Variants in ULK4 observed in about 807,000 individuals in gnomAD.
ULK4 encodes the protein unc-51 like kinase 4, also known as inactive serine/threonine-protein kinase ULK4.
A neutral mutation model predicts 160.6 loss-of-function variants in ULK4; 133 were observed. That is an observed-to-expected ratio of 0.83 (90% CI 0.72 to 0.96). ULK4 has a LOEUF of 0.96. ULK4 is among the 40% of genes least tolerant of loss of function. The pLI, the probability that ULK4 is intolerant of heterozygous loss-of-function variation, is 0.00. For missense variants in ULK4, 1,580 were observed against 1,499.5 expected (o/e 1.05, Z -0.89); for synonymous variants, 534 against 539.8 (o/e 0.99, Z 0.15).
intron 5 of ULK4, among the ~76,000 whole-genome samples, chr3:41,923,541 A>C (rs931197267): frequency 6.6e-6 from 1 of 152,180 alleles, no homozygotes; most frequent in Non-Finnish European, 1.5e-5. Context: ...CAGCCACCAG[A>C]GTGTCTCCTA....
intron 23 of ULK4, 40 bp from the exon 24 acceptor site, chr3:41,715,608 C>T (rs757284242): frequency 6.2e-7 from 1 of 1,612,484 alleles, no homozygotes; most frequent in African/African-American, 1.3e-5. Flanking sequence ...AGGTTAAAAA[C>T]CACAAATACT....
intron 27 of ULK4, among the ~76,000 whole-genome samples, chr3:41,703,972 T>C (rs949358005): frequency 3.9e-5 from 6 of 152,124 alleles, no homozygotes; most frequent in African/African-American, 7.2e-5. Context: ...TACGTGACCA[T>C]GAAGGTGTCA....
chr3:41,960,808 A>T (rs1700639211), intron 1 of ULK4, among the ~76,000 whole-genome samples: 1 of 152,238 alleles, frequency 6.6e-6, no homozygotes, highest in Non-Finnish European at 1.5e-5. Context: ...ATAAAACACA[A>T]GTACAGAAAA....
chr3:41,793,300 T>C (rs1197929344), intron 20 of ULK4, among the ~76,000 whole-genome samples: 3 of 152,210 alleles, frequency 2.0e-5, no homozygotes, highest in South Asian at 2.1e-4. Context: ...CCTCCAGAAT[T>C]TGAATTTTCT....
intron 16 of ULK4, among the ~76,000 whole-genome samples, chr3:41,890,580 T>C (rs1026190655): frequency 6.6e-6 from 1 of 151,136 alleles, no homozygotes; most frequent in Non-Finnish European, 1.5e-5. Flanking sequence ...CTCGGGAGGC[T>C]GAGGCAGGAG....
chr3:41,392,303 G>A (rs947322939), intron 35 of ULK4, among the ~76,000 whole-genome samples: 2 of 152,064 alleles, frequency 1.3e-5, no homozygotes, highest in African/African-American at 2.4e-5. Context: ...TCTAAATACA[G>A]ACTAAATAAG....
chr3:41,774,805 A>G (rs1172096426), intron 21 of ULK4, among the ~76,000 whole-genome samples: 1 of 150,632 alleles, frequency 6.6e-6, no homozygotes, highest in Admixed American at 6.6e-5. Flanking sequence ...TCACAATAGC[A>G]AAAACTTGGA....
At chr3:41,869,441 C>T (rs1159947760) in intron 17 of ULK4, among the ~76,000 whole-genome samples, 3 of 152,030 alleles carry the variant, frequency 2.0e-5, no homozygotes, top group African/African-American at 4.8e-5. Flanking sequence ...ATTAGCCGGG[C>T]ATGGTGGCAC....
chr3:41,790,873 C>T (rs1052207541), intron 20 of ULK4, among the ~76,000 whole-genome samples: 1 of 152,030 alleles, frequency 6.6e-6, no homozygotes, highest in Non-Finnish European at 1.5e-5. Flanking sequence ...TCTGTGTGTA[C>T]GAGTGACTCC....
intron 17 of ULK4, among the ~76,000 whole-genome samples, chr3:41,873,298 A>G (rs1575863824): frequency 6.9e-6 from 1 of 145,684 alleles, no homozygotes; most frequent in East Asian, 2.0e-4. Flanking sequence ...AGCTCCATCT[A>G]ACTGCTTCAA....
chr3:41,419,538 G>C (rs1156240606), intron 34 of ULK4, among the ~76,000 whole-genome samples: 1 of 152,188 alleles, frequency 6.6e-6, no homozygotes, highest in Non-Finnish European at 1.5e-5. Context: ...GACATCACTT[G>C]TGGTGAGAGG....
chr3:41,595,071 A>C (rs774278769), intron 31 of ULK4, among the ~76,000 whole-genome samples: 2 of 152,238 alleles, frequency 1.3e-5, no homozygotes, highest in Non-Finnish European at 2.9e-5. Flanking sequence ...ATAAAGTCTA[A>C]GATATTTTTA....
chr3:41,649,917 C>T (rs140285034), intron 30 of ULK4, among the ~76,000 whole-genome samples: 38 of 152,288 alleles, frequency 2.5e-4, no homozygotes, highest in African/African-American at 8.4e-4. Flanking sequence ...ACCCATGAAC[C>T]GATCAGCATG....
intron 35 of ULK4, among the ~76,000 whole-genome samples, chr3:41,361,551 T>C (rs1306076709): frequency 1.3e-5 from 2 of 152,202 alleles, no homozygotes; most frequent in Non-Finnish European, 2.9e-5. Flanking sequence ...CTTTGAAAGC[T>C]ATACAGTTAA....
At chr3:41,720,685 T>C (rs1245396109) in intron 22 of ULK4, among the ~76,000 whole-genome samples, 2 of 152,124 alleles carry the variant, frequency 1.3e-5, no homozygotes, top group African/African-American at 4.8e-5. Flanking sequence ...GAAATATACA[T>C]ACAATGACAT....
chr3:41,276,256 AC>A (rs929543269), intron 35 of ULK4, among the ~76,000 whole-genome samples: 1 of 152,182 alleles, frequency 6.6e-6, no homozygotes, highest in African/African-American at 2.4e-5. Context: ...CTCCAATTTA[AC>A]AAAAGACTCC....
chr3:41,383,334 G>T (rs1039823052), intron 35 of ULK4, among the ~76,000 whole-genome samples: 2 of 152,056 alleles, frequency 1.3e-5, no homozygotes, highest in Admixed American at 1.3e-4. Context: ...CTTGACCTAA[G>T]GTGATCCACC....
chr3:41,573,924 A>G (rs1221485332), intron 31 of ULK4, among the ~76,000 whole-genome samples: 1 of 152,200 alleles, frequency 6.6e-6, no homozygotes, highest in Non-Finnish European at 1.5e-5. Context: ...TTTGAGGGGA[A>G]GAGGACACAT....
At chr3:41,840,175 T>C (rs1334790036) in intron 17 of ULK4, among the ~76,000 whole-genome samples, 6 of 152,200 alleles carry the variant, frequency 3.9e-5, no homozygotes, top group Admixed American at 6.5e-5. Context: ...AGTCCTGTAA[T>C]ACCAACACTT....
Sources: allele counts gnomAD v4.1 joint callset (sites outside exome capture counted in the v4.1 genomes callset), GRCh38; gene constraint gnomAD v4.1.1; transcripts MANE v1.5; gene names NCBI Gene and HGNC (gene_info 2026-07-23, HGNC 2026-07-21).